The following STXBP4 variants were observed in gnomAD, a reference collection of about 807,000 sequenced individuals.
The protein encoded by STXBP4 is syntaxin binding protein 4, also known as syntaxin-binding protein 4.
A neutral mutation model predicts 76.1 loss-of-function variants in STXBP4; 55 were observed. That is an observed-to-expected ratio of 0.72 (90% CI 0.58 to 0.91). The LOEUF is 0.91. Among genes scored for constraint, STXBP4 ranks in the 40% least tolerant of loss-of-function variants. The probability of loss-of-function intolerance (pLI) is 0.00; values close to 1 mark genes in which losing one functional copy is unlikely to be tolerated. For synonymous variants in STXBP4, 201 were observed against 220.2 expected, an observed-to-expected ratio of 0.91 and a Z score of 0.77; for missense variants, 618 against 636.9, an observed-to-expected ratio of 0.97 and a Z score of 0.32.
At chr17:55,056,933 T>G (rs1157882342) in intron 12 of STXBP4, among the ~76,000 whole-genome samples, 1 of 152,214 alleles carries the variant, frequency 6.6e-6, no homozygotes, top group African/African-American at 2.4e-5. Flanking sequence ...CTTCAAAATT[T>G]TTTCAGTTTT....
intron 17 of STXBP4, among the ~76,000 whole-genome samples, chr17:55,146,088 T>C (rs1368966147): frequency 6.6e-6 from 1 of 152,216 alleles, no homozygotes; most frequent in Non-Finnish European, 1.5e-5. Context: ...TTTATACATA[T>C]GTTATATAAT....
At chr17:55,148,357 A>G (rs975628239) in intron 17 of STXBP4, among the ~76,000 whole-genome samples, 2 of 152,218 alleles carry the variant, frequency 1.3e-5, no homozygotes, top group Non-Finnish European at 2.9e-5. Flanking sequence ...ATTTTAAATT[A>G]TCGTTTCTTA....
chr17:54,997,578 A>AT (rs1491488847), intron 4 of STXBP4, among the ~76,000 whole-genome samples: 1 of 145,438 alleles, frequency 6.9e-6, no homozygotes, highest in African/African-American at 2.5e-5. Context: ...TATAATATAA[A>AT]TATATATATA....
chr17:55,156,682 T>G (rs1448228676), intron 17 of STXBP4, among the ~76,000 whole-genome samples: 1 of 152,200 alleles, frequency 6.6e-6, no homozygotes, highest in African/African-American at 2.4e-5. Context: ...TTAGTTTTAT[T>G]TCTTCTAGTG....
intron 16 of STXBP4, among the ~76,000 whole-genome samples, chr17:55,082,845 G>C (rs2079273453): frequency 6.6e-6 from 1 of 151,978 alleles, no homozygotes; most frequent in Non-Finnish European, 1.5e-5. Context: ...ATTAAATAAA[G>C]ATAATGTAAT....
chr17:55,152,909 T>C (rs1481612186), intron 17 of STXBP4, among the ~76,000 whole-genome samples: 1 of 152,202 alleles, frequency 6.6e-6, no homozygotes, highest in African/African-American at 2.4e-5. Flanking sequence ...TTTTATCTTG[T>C]AAAGCTGAAG....
At chr17:55,042,453 C>G (rs1476655786) in intron 10 of STXBP4, among the ~76,000 whole-genome samples, 1 of 152,012 alleles carries the variant, frequency 6.6e-6, no homozygotes, top group African/African-American at 2.4e-5. Context: ...CCTTACCTAT[C>G]TAAAGGGCCC....
At chr17:55,076,832 A>G (rs1291359986) in intron 13 of STXBP4, among the ~76,000 whole-genome samples, 1 of 151,774 alleles carries the variant, frequency 6.6e-6, no homozygotes, top group Non-Finnish European at 1.5e-5. Context: ...CCCCATTTGT[A>G]TTTCAATTTT....
intron 1 of STXBP4, among the ~76,000 whole-genome samples, chr17:54,984,421 C>T (rs997142449): frequency 6.8e-6 from 1 of 147,786 alleles, no homozygotes; most frequent in Non-Finnish European, 1.5e-5. Flanking sequence ...TGGCTCACTG[C>T]AAGCTCCGCC....
rs939804434 is a variant in STXBP4 at position 54,986,039 on chromosome 17, T to G, written c.-78-103T>G. 4.9e-6 allele frequency: 3 copies of G among 616,496 alleles called. No homozygotes were observed. The African/African-American group carries it at 5.6e-5, about 12-fold the overall frequency. 38.2% of individuals were successfully genotyped at this position (616,496 alleles called of 1,614,324 possible). On this transcript the variant is annotated intron_variant, in intron 2 of 17. Coordinates refer to ENST00000376352, the MANE Select transcript of STXBP4 (RefSeq NM_178509.6). The stretch of plus-strand genomic sequence containing the variant: ...CATCTAACATCTATATACAGGCTTA[T>G]ATTATTTATGTTCCAAGTGTATATA...
At position 55,057,047 on chromosome 17, in the gene STXBP4, T is replaced by A. The variant is rs1440395138; in HGVS notation, c.1011+9893T>A. On this transcript the variant is annotated intron_variant, in intron 12 of 17. Transcript: ENST00000376352. ...TTTTTTATTTATATTATGAAAAAGT[T>A]CAATTTCACTATAAACTCTTATACT... 3.3e-5 allele frequency among the ~76,000 whole-genome samples: 5 copies of A among 152,320 alleles called. No individual in the cohort carries two copies. In the East Asian group the frequency reaches 9.6e-4, roughly 29 times the overall value.
At chr17:55,210,967 G>T in the STXBP4 span, among the ~76,000 whole-genome samples, 1 of 152,138 alleles carries the variant, frequency 6.6e-6, no homozygotes, top group African/African-American at 2.4e-5. Flanking sequence ...TTTTAAGTAC[G>T]TCTGAGAAGT....
At chr17:55,020,620 C>G (rs940866706) in intron 8 of STXBP4, among the ~76,000 whole-genome samples, 4 of 152,050 alleles carry the variant, frequency 2.6e-5, no homozygotes, top group African/African-American at 7.2e-5. Context: ...GAGTTCGAGA[C>G]TAGGCTGGCC....
In STXBP4 at chr17:54,982,474, CT is replaced by C. The variant is rs535595584; in HGVS notation, c.-156-3139del. ...TCTCTGTTTTTGCTGACCTGTTTGC[CT>C]CTTATGATTCACCAAACTAGAATAA... On this transcript the variant is annotated intron_variant, in intron 1 of 17. Transcript: ENST00000376352. Among the ~76,000 whole-genome samples the C allele has an allele frequency of 9.3e-3, 1,421 of 152,092 alleles. 13 individuals are homozygous for C. Among genetic ancestry groups the C allele is most frequent in the Non-Finnish European group, 0.016 (1,064 of 67,982 alleles).
rs1212246207 is a variant in STXBP4, at chr17:54,970,896, TAAAAG to T, written c.-157+2086_-157+2090del. 3.3e-5 allele frequency among the ~76,000 whole-genome samples: 5 copies of T among 152,334 alleles called. No individual in the cohort carries two copies. The East Asian group carries it at 9.6e-4, about 29-fold the overall frequency. On this transcript the variant is annotated intron_variant, in intron 1 of 17. Coordinates refer to ENST00000376352, the MANE Select transcript of STXBP4 (RefSeq NM_178509.6). ...TGGTCTTTGTAGCTTTCTACTTTAA[TAAAAG>T]AAAATATGCATTGTATCTGATCTTA...
At chr17:55,097,465 C>CAT (rs1303320138) in intron 16 of STXBP4, among the ~76,000 whole-genome samples, 1 of 152,064 alleles carries the variant, frequency 6.6e-6, no homozygotes, top group African/African-American at 2.4e-5. Flanking sequence ...AGATCGAGAC[C>CAT]ATCCTGGCTA....
intron 16 of STXBP4, among the ~76,000 whole-genome samples, chr17:55,123,359 G>A (rs1362596126): frequency 1.3e-5 from 2 of 152,058 alleles, no homozygotes; most frequent in African/African-American, 4.8e-5. Context: ...AAATAAAAAT[G>A]GACTATTTAT....
chr17:55,094,838 T>A (rs573626296), intron 16 of STXBP4, among the ~76,000 whole-genome samples: 1 of 152,192 alleles, frequency 6.6e-6, no homozygotes, highest in Non-Finnish European at 1.5e-5. Context: ...AGTTCTTCAG[T>A]CATAAAAATC....
intron 17 of STXBP4, among the ~76,000 whole-genome samples, chr17:55,159,025 A>G (rs552599513): frequency 6.6e-6 from 1 of 152,326 alleles, no homozygotes; most frequent in Admixed American, 6.5e-5. Context: ...TGGGTGGATC[A>G]CTTAAGCCCA....
Sources: gnomAD v4.1 joint callset for allele counts (sites outside exome capture counted in the v4.1 genomes callset) on GRCh38, gnomAD v4.1.1 for gene constraint, MANE v1.5 for transcripts, NCBI Gene and HGNC (gene_info 2026-07-23, HGNC 2026-07-21) for gene names.